Variants in IQCM observed in about 807,000 individuals in gnomAD.
IQCM encodes the protein IQ domain-containing protein M.
A neutral mutation model predicts 57.6 loss-of-function variants in IQCM; 45 were observed. The observed-to-expected ratio is 0.78, with a 90% CI of 0.62 to 1.00. The LOEUF is 1.00. Among genes scored for constraint, IQCM ranks in the 50% least tolerant of loss-of-function variants. The pLI is 0.00. For synonymous variants in IQCM, 148 were observed against 158.9 expected, an observed-to-expected ratio of 0.93 and a Z score of 0.51; for missense variants, 468 against 511.6, an observed-to-expected ratio of 0.91 and a Z score of 0.82.
intron 5 of IQCM, among the ~76,000 whole-genome samples, chr4:149,705,437 A>G (rs2149820399): frequency 6.6e-6 from 1 of 151,612 alleles, no homozygotes; most frequent in African/African-American, 2.4e-5. Context: ...TAGTTGTGGC[A>G]TTATTTTTTT....
At chr4:149,452,892 T>C (rs1380160673) in intron 12 of IQCM, among the ~76,000 whole-genome samples, 2 of 150,956 alleles carry the variant, frequency 1.3e-5, no homozygotes, top group Admixed American at 6.6e-5. Context: ...GAAAGAGTGG[T>C]TTAAAAAAAA....
chr4:149,362,014 C>T (rs1485900691), intron 13 of IQCM, among the ~76,000 whole-genome samples: 1 of 152,166 alleles, frequency 6.6e-6, no homozygotes, highest in South Asian at 2.1e-4. Flanking sequence ...CCACCTCTTG[C>T]ATCACCATGA....
chr4:149,482,810 T>G (rs1741057295), intron 12 of IQCM, among the ~76,000 whole-genome samples: 1 of 151,772 alleles, frequency 6.6e-6, no homozygotes, highest in Non-Finnish European at 1.5e-5. Context: ...TTTGGAAACA[T>G]GTTCTTCTTA....
intron 8 of IQCM, among the ~76,000 whole-genome samples, chr4:149,616,645 C>T (rs1755815696): frequency 6.6e-6 from 1 of 151,710 alleles, no homozygotes; most frequent in Non-Finnish European, 1.5e-5. Context: ...AAATTATTTT[C>T]ATTATTTAAA....
At chr4:149,785,819 TAAA>T (rs34985606) in intron 2 of IQCM, among the ~76,000 whole-genome samples, 1 of 140,748 alleles carries the variant, frequency 7.1e-6, no homozygotes. Flanking sequence ...TTTAAAAATG[TAAA>T]AAAAAAAAAA....
intron 5 of IQCM, among the ~76,000 whole-genome samples, chr4:149,703,888 T>G (rs1414889658): frequency 6.6e-6 from 1 of 151,820 alleles, no homozygotes; most frequent in African/African-American, 2.4e-5. Context: ...GTTCTAACGT[T>G]CTCTAGAACC....
At chr4:149,388,545 TAA>T (rs1731599585) in intron 13 of IQCM, among the ~76,000 whole-genome samples, 1 of 133,476 alleles carries the variant, frequency 7.5e-6, no homozygotes, top group African/African-American at 2.7e-5. Context: ...ATATTATATA[TAA>T]TATATATAAT....
At chr4:149,376,802 C>T (rs1325202007) in intron 13 of IQCM, among the ~76,000 whole-genome samples, 21 of 152,088 alleles carry the variant, frequency 1.4e-4, no homozygotes, top group Admixed American at 1.4e-3. Context: ...CTGATATGTA[C>T]ATAAGATAAT....
chr4:149,373,093 A>G (rs1284421187), intron 13 of IQCM, among the ~76,000 whole-genome samples: 1 of 152,220 alleles, frequency 6.6e-6, no homozygotes, highest in Non-Finnish European at 1.5e-5. Context: ...ATATTGTGAA[A>G]GCAAATGAAG....
At chr4:149,487,052 G>A (rs2149766201) in intron 12 of IQCM, among the ~76,000 whole-genome samples, 1 of 152,264 alleles carries the variant, frequency 6.6e-6, no homozygotes. Flanking sequence ...GGTCACTCCT[G>A]AAGCCAGCAT....
intron 13 of IQCM, among the ~76,000 whole-genome samples, chr4:149,402,871 A>G (rs1209442379): frequency 1.3e-5 from 2 of 151,872 alleles, no homozygotes; most frequent in Non-Finnish European, 2.9e-5. Flanking sequence ...AGTTCATTTC[A>G]TTTCATAAAT....
chr4:149,518,786 G>T (rs1044086112), intron 12 of IQCM, among the ~76,000 whole-genome samples: 1 of 152,186 alleles, frequency 6.6e-6, no homozygotes, highest in African/African-American at 2.4e-5. Flanking sequence ...ACCAGGGAGA[G>T]AGAGAGAGAA....
At chr4:149,474,878 G>A (rs886924981) in intron 12 of IQCM, among the ~76,000 whole-genome samples, 12 of 151,962 alleles carry the variant, frequency 7.9e-5, no homozygotes, top group African/African-American at 2.7e-4. Flanking sequence ...GAATGGCCAC[G>A]GTGTTCAAAA....
At chr4:149,420,668 A>G (rs759177659) in intron 13 of IQCM, among the ~76,000 whole-genome samples, 14 of 152,148 alleles carry the variant, frequency 9.2e-5, no homozygotes, top group Middle Eastern at 6.8e-3. Context: ...AAAGAACTAC[A>G]ATTACCTCAA....
intron 9 of IQCM, among the ~76,000 whole-genome samples, chr4:149,573,510 C>T (rs1381565512): frequency 2.6e-5 from 4 of 151,626 alleles, no homozygotes; most frequent in Non-Finnish European, 5.9e-5. Context: ...TTCATATTTC[C>T]TGAAATAGGC....
intron 13 of IQCM, among the ~76,000 whole-genome samples, chr4:149,415,765 T>G (rs576623679): frequency 6.3e-4 from 96 of 152,092 alleles, no homozygotes; most frequent in Non-Finnish European, 1.2e-3. Context: ...CATAAACTCA[T>G]CTATTCAGAG....
At chr4:149,625,473 T>C (rs1248475469) in intron 7 of IQCM, among the ~76,000 whole-genome samples, 1 of 152,202 alleles carries the variant, frequency 6.6e-6, no homozygotes, top group African/African-American at 2.4e-5. Flanking sequence ...AAGTTTTGTG[T>C]AACATAGGAG....
intron 8 of IQCM, among the ~76,000 whole-genome samples, chr4:149,594,540 G>A (rs1753566730): frequency 6.6e-6 from 1 of 152,164 alleles, no homozygotes; most frequent in South Asian, 2.1e-4. Context: ...TCTTTTAACT[G>A]TGATGTTGGG....
At chr4:149,496,709 CTTG>C (rs1742693010) in intron 12 of IQCM, among the ~76,000 whole-genome samples, 1 of 152,114 alleles carries the variant, frequency 6.6e-6, no homozygotes, top group South Asian at 2.1e-4. Context: ...ATAGTAAACA[CTTG>C]TTGTTTTAAG....
Sources: gnomAD v4.1 joint callset for allele counts (sites outside exome capture counted in the v4.1 genomes callset) on GRCh38, gnomAD v4.1.1 for gene constraint, MANE v1.5 for transcripts, NCBI Gene and HGNC (gene_info 2026-07-23, HGNC 2026-07-21) for gene names.